Variants in ETFDH observed in about 807,000 individuals in gnomAD.
The protein encoded by ETFDH is electron transfer flavoprotein-ubiquinone oxidoreductase, mitochondrial.
ETFDH carries 61 observed loss-of-function variants against 73.2 expected under a neutral mutation model. That is an observed-to-expected ratio of 0.83 (90% CI 0.68 to 1.03). ETFDH has a LOEUF of 1.03. Ranked by LOEUF, ETFDH falls within the 50% of genes least tolerant of loss-of-function variation. The pLI is 0.00. For missense variants in ETFDH, 685 were observed against 745.0 expected, an observed-to-expected ratio of 0.92 and a Z score of 0.94; for synonymous variants, 243 against 253.3, an observed-to-expected ratio of 0.96 and a Z score of 0.39.
rs140967333 is a variant in ETFDH at position 158,697,480 on chromosome 4, C to G, written c.832-79C>G. ...TTCATAAATAAGACATTAAACCTGG[C>G]AAGTTTTATGCATTGTGGTGACATA... On this transcript the variant is annotated intron_variant, in intron 7 of 12. Coordinates refer to ENST00000511912, the MANE Select transcript of ETFDH (RefSeq NM_004453.4). 72 of 1,196,892 alleles carry G rather than the reference C, an allele frequency of 6.0e-5. No homozygotes were observed. In the African/African-American group the frequency reaches 9.7e-4, roughly 16 times the overall value. The allele number at this position is 1,196,892 out of a possible 1,614,324, so 74.1% of individuals were successfully genotyped here. A position where few individuals can be genotyped will look rare whatever the true frequency, so the allele number is the denominator to read the frequency against.
chr4:158,706,163 TTAACA>T, intron 10 of ETFDH, 21 bp from the exon 11 acceptor site: 1 of 1,535,732 alleles, frequency 6.5e-7, no homozygotes, highest in South Asian at 1.1e-5. Flanking sequence ...AGTTTCGCAC[TTAACA>T]TTTCATGTTT....
rs2150306318 is a variant in ETFDH, at chr4:158,684,640, G to C, written c.454G>C (p.Glu152Gln). The C allele has an allele frequency of 6.3e-7, 1 of 1,580,002 alleles. No individual in the cohort carries two copies. The highest frequency in any genetic ancestry group is 1.7e-5 in the Admixed American group (1 of 59,984). ...AGAAGACAGATTTGGAATTTTAACA[G>C]AGAAATACAGAATTCCTGTGCCAAT... ...VTEDRFGILT[E>Q]KYRIPVPILP... Residue 152 changes from glutamate (E) to glutamine (Q), a missense_variant, in exon 4 of 13, where the codon GAG becomes CAG. Glu to Gln is a conservative substitution (Grantham distance 29). Around this residue, in one of 3 missense-constraint regions of ETFDH, gnomAD observed 405 missense variants for 399.3 expected, o/e 1.01. Transcript: ENST00000511912.
chr4:158,694,221 A>G (rs1322916933), intron 6 of ETFDH, among the ~76,000 whole-genome samples: 1 of 152,176 alleles, frequency 6.6e-6, no homozygotes, highest in Non-Finnish European at 1.5e-5. Context: ...AACCTGGCAC[A>G]TTGTAGGTAT....
intron 4 of ETFDH, 21 bp downstream of exon 4, chr4:158,684,694 A>C (rs1176601916): frequency 1.6e-6 from 2 of 1,241,630 alleles, no homozygotes; most frequent in Non-Finnish European, 2.4e-6. Flanking sequence ...GTGAATATGC[A>C]TAGAACTATG....
intron 1 of ETFDH, among the ~76,000 whole-genome samples, chr4:158,674,969 A>G (rs1360123069): frequency 6.6e-6 from 1 of 152,158 alleles, no homozygotes; most frequent in Non-Finnish European, 1.5e-5. Context: ...AAAATCCTAG[A>G]TTCTAAAAAA....
At chr4:158,682,530 CTTTTTTTT>C (rs373172859) in intron 3 of ETFDH, 106 bp downstream of exon 3, 26 of 669,802 alleles carry the variant, frequency 3.9e-5, no homozygotes, top group Non-Finnish European at 6.0e-5. Context: ...GTAACTCTAT[CTTTTTTTT>C]TTTTCTTTTT....
chr4:158,676,482 C>T (rs1337567036), intron 1 of ETFDH, among the ~76,000 whole-genome samples: 1 of 152,184 alleles, frequency 6.6e-6, no homozygotes, highest in Non-Finnish European at 1.5e-5. Flanking sequence ...AATCTTGTAG[C>T]TAATTTGTTA....
intron 6 of ETFDH, 62 bp from the exon 7 acceptor site, chr4:158,695,435 C>G: frequency 7.3e-7 from 1 of 1,367,152 alleles, no homozygotes; most frequent in Non-Finnish European, 1.0e-6. Flanking sequence ...TTAAATCTGA[C>G]CAGAATGTGA....
At chr4:158,698,500 CCT>C (rs1356298344) in intron 8 of ETFDH, among the ~76,000 whole-genome samples, 1 of 151,988 alleles carries the variant, frequency 6.6e-6, no homozygotes, top group African/African-American at 2.4e-5. Context: ...TAGTTTACAT[CCT>C]TTTTCTTTAT....
chr4:158,691,768 C>T (rs373087370), intron 6 of ETFDH, among the ~76,000 whole-genome samples: 6 of 152,164 alleles, frequency 3.9e-5, no homozygotes, highest in East Asian at 1.9e-4. Flanking sequence ...AAAGCAAAAC[C>T]GTTAGAACAT....
At chr4:158,681,070 CTG>C (rs1183746976) in intron 2 of ETFDH, among the ~76,000 whole-genome samples, 3 of 152,076 alleles carry the variant, frequency 2.0e-5, no homozygotes, top group African/African-American at 4.8e-5. Context: ...AAAAAGTTAA[CTG>C]TAAAACAGAC....
chr4:158,706,030 A>G (rs957385765), intron 10 of ETFDH, among the ~76,000 whole-genome samples, 159 bp from the exon 11 acceptor site: 4 of 152,232 alleles, frequency 2.6e-5, no homozygotes, highest in African/African-American at 9.6e-5. Flanking sequence ...GCAGTGAGCC[A>G]TGATCACACC....
At position 158,684,667 on chromosome 4, in the gene ETFDH, C is replaced by A. The variant is rs772046503; in HGVS notation, c.481C>A (p.Leu161Ile). Residue 161 changes from leucine to isoleucine, a missense_variant, in exon 4 of 13, where the codon CTT (leucine) becomes ATT (isoleucine). Physicochemically the swap from Leu to Ile is conservative, Grantham distance 5. Around this residue, in one of 3 missense-constraint regions of ETFDH, gnomAD observed 405 missense variants for 399.3 expected, o/e 1.01. Coordinates refer to ENST00000511912, the MANE Select transcript of ETFDH (RefSeq NM_004453.4). ...GAAATACAGAATTCCTGTGCCAATTCTTCCAGGTAAGGTATAGTGAATATG... is the reference window on the plus strand; with the variant it reads ...GAAATACAGAATTCCTGTGCCAATTATTCCAGGTAAGGTATAGTGAATATG... ...TEKYRIPVPI[L>I]PGLPMNNHGN... is the part of the protein sequence containing the mutation. 1 of 1,531,892 alleles carries A rather than the reference C, an allele frequency of 6.5e-7. No homozygotes were observed. The highest frequency in any genetic ancestry group is 1.1e-5 in the South Asian group (1 of 89,372). The allele number at this position is 1,531,892 out of a possible 1,614,324, so 94.9% of individuals were successfully genotyped here.
At chr4:158,698,959 T>G (rs376436247) in intron 8 of ETFDH, 28 bp from the exon 9 acceptor site, 11 of 1,435,100 alleles carry the variant, frequency 7.7e-6, no homozygotes, top group Non-Finnish European at 1.1e-5. Flanking sequence ...TAAAAATGTC[T>G]AATTAAATAT....
intron 6 of ETFDH, among the ~76,000 whole-genome samples, chr4:158,692,725 T>C (rs905508958): frequency 1.8e-4 from 27 of 150,676 alleles, no homozygotes; most frequent in African/African-American, 6.5e-4. Context: ...GCACACAAAT[T>C]CTACCATTCT....
chr4:158,703,399 T>C (rs1182530899), intron 9 of ETFDH, 24 bp from the exon 10 acceptor site: 2 of 1,553,216 alleles, frequency 1.3e-6, no homozygotes, highest in Non-Finnish European at 1.8e-6. Flanking sequence ...CTAACAAATG[T>C]ATTCTGAATC....
intron 4 of ETFDH, 149 bp from the exon 5 acceptor site, chr4:158,684,952 C>G (rs1773963763): frequency 3.1e-6 from 2 of 639,300 alleles, no homozygotes; most frequent in Admixed American, 5.6e-5. Context: ...GAACTCTAGA[C>G]CAAAATTGTA....
intron 10 of ETFDH, among the ~76,000 whole-genome samples, chr4:158,704,534 AACACACAGC>A (rs1774555807): frequency 6.6e-6 from 1 of 152,134 alleles, no homozygotes; most frequent in Admixed American, 6.6e-5. Flanking sequence ...ATTAATGCAC[AACACACAGC>A]ACACACCCAG....
At chr4:158,700,779 G>A (rs999989427) in intron 9 of ETFDH, 13 of 152,192 alleles carry the variant, frequency 8.5e-5, no homozygotes, top group African/African-American at 2.2e-4. Context: ...CACGAGGAAA[G>A]TGCAGTATTC....
Sources: gnomAD v4.1 joint callset for allele counts (sites outside exome capture counted in the v4.1 genomes callset) on GRCh38, gnomAD v4.1.1 for gene constraint, gnomAD v4.1.1 regional missense constraint, MANE v1.5 for transcripts, NCBI Gene and HGNC (gene_info 2026-07-23, HGNC 2026-07-21) for gene names.